The following HIGD2B variants were observed in gnomAD, a reference collection of about 807,000 sequenced individuals.
The protein encoded by HIGD2B is HIG1 hypoxia inducible domain family member 2B.
For missense variants in HIGD2B, 106 were observed against 67.0 expected, an observed-to-expected ratio of 1.58 and a Z score of -2.03; for synonymous variants, 45 against 28.1, an observed-to-expected ratio of 1.60 and a Z score of -1.90.
At position 72,680,020 on chromosome 15, in the gene HIGD2B, A is replaced by T; in HGVS notation, c.-19T>A. 2.2e-6 allele frequency: 1 copy of T among 450,130 alleles called. No homozygotes were observed. Among genetic ancestry groups the T allele is most frequent in the Non-Finnish European group, 3.3e-6 (1 of 303,546 alleles). 27.9% of individuals were successfully genotyped at this position (450,130 alleles called of 1,614,324 possible). A position where few individuals can be genotyped will look rare whatever the true frequency, so the allele number is the denominator to read the frequency against. The stretch of plus-strand genomic sequence containing the variant: ...TCCAAACATTTCCTACTTACATGGA[A>T]CAGTGGAAAGTGCCAACAGAGTTCT... On this transcript the variant is annotated 5_prime_UTR_variant, in exon 2 of 3. Transcript: ENST00000311755.
rs1219832685 is a variant in HIGD2B at position 72,686,105 on chromosome 15, T to C, written c.-480A>G. The C allele has an allele frequency of 9.9e-7, 1 of 1,011,528 alleles. No individual in the cohort carries two copies. Among genetic ancestry groups the C allele is most frequent in the East Asian group, 2.6e-5 (1 of 38,460 alleles). 62.7% of individuals were successfully genotyped at this position (1,011,528 alleles called of 1,614,324 possible). ...CTAATCCTCCCCCTGATTCCTTAGG[T>C]CACTCGGCGATTTACTTCCTTCCCC... On this transcript the variant is annotated 5_prime_UTR_variant, in exon 1 of 3. Coordinates refer to ENST00000311755, the MANE Select transcript of HIGD2B (RefSeq NM_001350932.3).
Position 72,685,889 on chromosome 15 carries a change from G to A in HIGD2B, c.-264C>T. The stretch of plus-strand genomic sequence containing the variant: ...CTGAATTAAATGCAGATTAGAGTCA[G>A]GGCAGGGTAAGGTGGCGGGAGAACT... On this transcript the variant is annotated 5_prime_UTR_variant, in exon 1 of 3. Coordinates refer to ENST00000311755, the MANE Select transcript of HIGD2B (RefSeq NM_001350932.3). 2.1e-6 allele frequency: 1 copy of A among 473,796 alleles called. No homozygotes were observed. The highest frequency in any genetic ancestry group is 3.9e-6 in the Non-Finnish European group (1 of 257,108). 29.3% of individuals were successfully genotyped at this position (473,796 alleles called of 1,614,324 possible). A position where few individuals can be genotyped will look rare whatever the true frequency, so the allele number is the denominator to read the frequency against.
At chr15:72,681,221 G>C (rs1301385708) in intron 1 of HIGD2B, among the ~76,000 whole-genome samples, 1 of 152,080 alleles carries the variant, frequency 6.6e-6, no homozygotes, top group African/African-American at 2.4e-5. Context: ...CTAGCCTTCA[G>C]GTGTAATTTC....
intron 1 of HIGD2B, chr15:72,682,179 A>G (rs936595260): frequency 1.3e-5 from 2 of 152,328 alleles, no homozygotes; most frequent in Non-Finnish European, 1.5e-5. Flanking sequence ...GGGTATGCAC[A>G]TTTTTAAGGA....
At chr15:72,679,704 G>A (rs1317097262) in intron 2 of HIGD2B, among the ~76,000 whole-genome samples, 3 of 152,034 alleles carry the variant, frequency 2.0e-5, no homozygotes, top group African/African-American at 7.2e-5. Context: ...GGAATAGGGA[G>A]TAGCCTATTT....
chr15:72,676,092 G>C lies in HIGD2B; in HGVS notation c.283C>G (p.Leu95Val). The change falls in exon 3 of 3, where the codon CTG becomes GTG. Residue 95 changes from leucine to valine, a missense_variant. By Grantham distance (32) the Leu-to-Val change is conservative. Coordinates refer to ENST00000311755, the MANE Select transcript of HIGD2B (RefSeq NM_001350932.3). The stretch of plus-strand genomic sequence containing the variant: ...TTCATAGCGGTGGCAGCTAGACCCA[G>C]CAAGATGGCTGCAATGGTGAAGCCC... ...AQGFTIAAIL[L>V]GLAATAMKSP... is the part of the protein sequence containing the mutation. 2 of 764,784 alleles carry C rather than the reference G, an allele frequency of 2.6e-6. No homozygotes were observed. Among genetic ancestry groups the C allele is most frequent in the Non-Finnish European group, 4.8e-6 (2 of 416,330 alleles). The allele number at this position is 764,784 out of a possible 1,614,324, so 47.4% of individuals were successfully genotyped here.
At chr15:72,684,847 G>A (rs1337925916) in intron 1 of HIGD2B, among the ~76,000 whole-genome samples, 1 of 151,822 alleles carries the variant, frequency 6.6e-6, no homozygotes, top group Non-Finnish European at 1.5e-5. Context: ...ACAGAAATGC[G>A]ATCTCGGCTC....
At chr15:72,678,233 C>T (rs1477268481) in intron 2 of HIGD2B, among the ~76,000 whole-genome samples, 1 of 152,166 alleles carries the variant, frequency 6.6e-6, no homozygotes, top group Non-Finnish European at 1.5e-5. Flanking sequence ...GTGTCACTCA[C>T]AGAGGGAATT....
intron 1 of HIGD2B, among the ~76,000 whole-genome samples, chr15:72,684,359 C>G (rs1046819993): frequency 6.7e-6 from 1 of 150,200 alleles, no homozygotes; most frequent in Non-Finnish European, 1.5e-5. Flanking sequence ...AGAATATTAC[C>G]TGTTATAGCT....
At position 72,686,069 on chromosome 15, in the gene HIGD2B, T is replaced by A; in HGVS notation, c.-444A>T. 1 of 777,592 alleles carries A rather than the reference T, an allele frequency of 1.3e-6. No homozygotes were observed. Among genetic ancestry groups the A allele is most frequent in the Non-Finnish European group, 2.2e-6 (1 of 464,732 alleles). 48.2% of individuals were successfully genotyped at this position (777,592 alleles called of 1,614,324 possible). A position where few individuals can be genotyped will look rare whatever the true frequency, so the allele number is the denominator to read the frequency against. On this transcript the variant is annotated 5_prime_UTR_variant, in exon 1 of 3. Coordinates refer to ENST00000311755, the MANE Select transcript of HIGD2B (RefSeq NM_001350932.3). The stretch of plus-strand genomic sequence containing the variant: ...GACTCTTTCAGAGGTAAGCCTTCTG[T>A]GGAGCAGACCCTAATCCTCCCCCTG...
intron 1 of HIGD2B, among the ~76,000 whole-genome samples, chr15:72,680,575 C>A (rs2064738759): frequency 6.6e-6 from 1 of 152,026 alleles, no homozygotes; most frequent in African/African-American, 2.4e-5. Context: ...AAAGGAGATA[C>A]CCTGATCCAC....
chr15:72,678,752 CT>C (rs1302968209), intron 2 of HIGD2B, among the ~76,000 whole-genome samples: 1 of 152,096 alleles, frequency 6.6e-6, no homozygotes, highest in Non-Finnish European at 1.5e-5. Flanking sequence ...AATCCCAACA[CT>C]TTGGGAGGTC....
intron 1 of HIGD2B, among the ~76,000 whole-genome samples, chr15:72,683,771 G>T (rs767126606): frequency 6.6e-6 from 1 of 152,102 alleles, no homozygotes; most frequent in African/African-American, 2.4e-5. Flanking sequence ...AGCCTGGGAG[G>T]TAGAGGCTGC....
intron 1 of HIGD2B, 94 bp from the exon 2 acceptor site, chr15:72,680,287 T>C (rs1262011273): frequency 6.5e-6 from 1 of 152,736 alleles, no homozygotes; most frequent in African/African-American, 2.4e-5. Context: ...GTAAGTTTTA[T>C]GGATCAAAAA....
chr15:72,678,552 T>C (rs908031676), intron 2 of HIGD2B, among the ~76,000 whole-genome samples: 1 of 152,046 alleles, frequency 6.6e-6, no homozygotes, highest in Admixed American at 6.6e-5. Flanking sequence ...TCCTCCTACC[T>C]TGTGCTCCCA....
rs1050397011 is a variant in HIGD2B at position 72,676,207 on chromosome 15, C to T, written c.168G>A (p.Thr56=). 7.8e-6 allele frequency: 6 copies of T among 764,844 alleles called. No homozygotes were observed. The highest frequency in any genetic ancestry group is 1.7e-5 in the Admixed American group (1 of 58,524). The allele number at this position is 764,844 out of a possible 1,614,324, so 47.4% of individuals were successfully genotyped here. A position where few individuals can be genotyped will look rare whatever the true frequency, so the allele number is the denominator to read the frequency against. Residue 56 remains threonine, a synonymous_variant, in exon 3 of 3, where the codon ACG becomes ACA. Coordinates refer to ENST00000311755, the MANE Select transcript of HIGD2B (RefSeq NM_001350932.3). The part of the protein sequence containing the change: ...NPVVPIGFLC[T]AAVLTNGLYC... The stretch of plus-strand genomic sequence containing the variant: ...AGAGGCCGTTGGTGAGGACGGCCGC[C>T]GTGCACAGGAAACCTATGGGTACCA...
rs767435639 is a variant in HIGD2B, at chr15:72,676,355, A to G, written c.20T>C (p.Val7Ala). The G allele has an allele frequency of 1.3e-6, 1 of 758,456 alleles. No homozygotes were observed. Among genetic ancestry groups the G allele is most frequent in the Non-Finnish European group, 2.4e-6 (1 of 414,068 alleles). 47.0% of individuals were successfully genotyped at this position (758,456 alleles called of 1,614,324 possible). A position where few individuals can be genotyped will look rare whatever the true frequency, so the allele number is the denominator to read the frequency against. Reference protein sequence around the residue: MATLGFVTPEAPFESSK... With the variant: MATLGFATPEAPFESSK... The stretch of plus-strand genomic sequence containing the variant: ...TGATTCAAAGGGGGCCTCCGGAGTC[A>G]CAAAGCCGAGAGTCGCCATGCCTAG... Residue 7 changes from valine (V) to alanine (A), a missense_variant, in exon 3 of 3, where the codon GTG becomes GCG. Transcript: ENST00000311755.
intron 2 of HIGD2B, 108 bp from the exon 3 acceptor site, chr15:72,676,495 C>T: frequency 1.7e-6 from 1 of 598,612 alleles, no homozygotes; most frequent in Non-Finnish European, 3.0e-6. Flanking sequence ...ACCTCTGCCT[C>T]CCTGGTCCCA....
At chr15:72,684,946 A>C (rs1225130259) in intron 1 of HIGD2B, among the ~76,000 whole-genome samples, 1 of 151,982 alleles carries the variant, frequency 6.6e-6, no homozygotes, top group African/African-American at 2.4e-5. Context: ...ACCATGCCCG[A>C]CTAATTTTTT....
Sources: allele counts gnomAD v4.1 joint callset (sites outside exome capture counted in the v4.1 genomes callset), GRCh38; gene constraint gnomAD v4.1.1; transcripts MANE v1.5; gene names NCBI Gene and HGNC (gene_info 2026-07-23, HGNC 2026-07-21).